Variants in SMIM10L3 observed in about 807,000 individuals in gnomAD.
The protein encoded by SMIM10L3 is small integral membrane protein 10 like 3.
the SMIM10L3 span, chr7:6,329,586 A>C: frequency 6.4e-6 from 1 of 156,582 alleles, no homozygotes; most frequent in Non-Finnish European, 1.5e-5. Context: ...TATGTCCTTA[A>C]ATGACCTTTA....
At chr7:6,335,901 A>G in the SMIM10L3 span, among the ~76,000 whole-genome samples, 1 of 151,878 alleles carries the variant, frequency 6.6e-6, no homozygotes, top group Admixed American at 6.6e-5. Context: ...GGCCGGGAGC[A>G]GTGGCTCACA....
At chr7:6,331,416 G>C in the SMIM10L3 span, among the ~76,000 whole-genome samples, 2 of 152,186 alleles carry the variant, frequency 1.3e-5, no homozygotes, top group Non-Finnish European at 2.9e-5. Context: ...ACCCACCTCA[G>C]CGTCCCAAAG....
At chr7:6,335,737 A>T in the SMIM10L3 span, among the ~76,000 whole-genome samples, 1 of 152,076 alleles carries the variant, frequency 6.6e-6, no homozygotes, top group African/African-American at 2.4e-5. Flanking sequence ...TAATTCACTA[A>T]AATATATTTG....
chr7:6,329,894 C>A, the SMIM10L3 span: 1 of 169,656 alleles, frequency 5.9e-6, no homozygotes. Flanking sequence ...TCGAATTTTG[C>A]TGCAGACCAA....
At chr7:6,332,622 T>A in the SMIM10L3 span, among the ~76,000 whole-genome samples, 1 of 151,938 alleles carries the variant, frequency 6.6e-6, no homozygotes, top group Admixed American at 6.6e-5. Flanking sequence ...TGCTTGAGCC[T>A]GGGAGGCAGA....
the SMIM10L3 span, among the ~76,000 whole-genome samples, chr7:6,347,792 A>T: frequency 6.6e-6 from 1 of 151,710 alleles, no homozygotes; most frequent in African/African-American, 2.4e-5. Flanking sequence ...GTGGTGGCTC[A>T]TGCCTATAAT....
At chr7:6,331,816 C>A in the SMIM10L3 span, among the ~76,000 whole-genome samples, 1 of 150,290 alleles carries the variant, frequency 6.7e-6, no homozygotes, top group East Asian at 2.0e-4. Flanking sequence ...TCTCGGCTCA[C>A]TGCAACCACT....
At chr7:6,337,939 T>G in the SMIM10L3 span, among the ~76,000 whole-genome samples, 1 of 151,550 alleles carries the variant, frequency 6.6e-6, no homozygotes, top group Non-Finnish European at 1.5e-5. Context: ...AAGTAGCTGG[T>G]ACTACAGGCA....
the SMIM10L3 span, among the ~76,000 whole-genome samples, chr7:6,333,665 A>ATT: frequency 8.9e-5 from 13 of 146,716 alleles, no homozygotes; most frequent in South Asian, 1.5e-3. Flanking sequence ...CACCTGGCAA[A>ATT]TTTTTTTTTT....
At chr7:6,333,389 C>A in the SMIM10L3 span, among the ~76,000 whole-genome samples, 1 of 152,038 alleles carries the variant, frequency 6.6e-6, no homozygotes, top group Non-Finnish European at 1.5e-5. Context: ...GATGGACAGA[C>A]TGCAAATGGT....
chr7:6,348,057 C>A, the SMIM10L3 span, among the ~76,000 whole-genome samples: 1 of 151,598 alleles, frequency 6.6e-6, no homozygotes, highest in East Asian at 1.9e-4. Flanking sequence ...ATTACAGGCA[C>A]GCGCCACCAC....
At chr7:6,348,693 C>A in the SMIM10L3 span, 3 of 450,850 alleles carry the variant, frequency 6.7e-6, no homozygotes, top group African/African-American at 6.1e-5. Flanking sequence ...TGCAGAAGAC[C>A]CCATAGGAGC....
chr7:6,348,096 G>A, the SMIM10L3 span, among the ~76,000 whole-genome samples: 8 of 151,346 alleles, frequency 5.3e-5, no homozygotes, highest in African/African-American at 1.9e-4. Context: ...TTTTAGTAGA[G>A]ACGGGGTTTC....
chr7:6,334,837 C>T, the SMIM10L3 span, among the ~76,000 whole-genome samples: 1,309 of 151,536 alleles, frequency 8.6e-3, 24 homozygotes, highest in African/African-American at 0.03. Context: ...GGCACGATCT[C>T]GACTCACTGC....
the SMIM10L3 span, among the ~76,000 whole-genome samples, chr7:6,334,302 T>G: frequency 6.6e-6 from 1 of 151,210 alleles, no homozygotes; most frequent in African/African-American, 2.4e-5. Context: ...TGGGGAGGCC[T>G]AGCTGGGTGG....
the SMIM10L3 span, among the ~76,000 whole-genome samples, chr7:6,332,537 G>C: frequency 6.6e-6 from 1 of 152,050 alleles, no homozygotes; most frequent in Admixed American, 6.6e-5. Context: ...ACCACCCTCA[G>C]CCAGGCGTGG....
At chr7:6,346,520 C>G in the SMIM10L3 span, among the ~76,000 whole-genome samples, 1 of 152,108 alleles carries the variant, frequency 6.6e-6, no homozygotes, top group African/African-American at 2.4e-5. Context: ...GTGCACGCCA[C>G]CACTGCCCGG....
the SMIM10L3 span, chr7:6,348,610 T>C: frequency 4.2e-6 from 2 of 473,476 alleles, no homozygotes; most frequent in African/African-American, 2.0e-5. Flanking sequence ...AGCCACGATG[T>C]AGAGGTAGGG....
the SMIM10L3 span, among the ~76,000 whole-genome samples, chr7:6,346,214 C>T: frequency 7.9e-5 from 12 of 152,082 alleles, no homozygotes; most frequent in African/African-American, 2.9e-4. Flanking sequence ...GTTTACCAGT[C>T]CCCTGAACTG....
Sources: gnomAD v4.1 joint callset for allele counts (sites outside exome capture counted in the v4.1 genomes callset) on GRCh38, gnomAD v4.1.1 for gene constraint, MANE v1.5 for transcripts, NCBI Gene and HGNC (gene_info 2026-07-23, HGNC 2026-07-21) for gene names.